FLNB: variants seen among roughly 807,000 people sequenced by gnomAD.
FLNB encodes filamin B, also known as filamin-B.
A neutral mutation model predicts 250.6 loss-of-function variants in FLNB; 111 were observed. The ratio of observed to expected loss-of-function variants is 0.44; its 90% CI spans 0.38 to 0.52. FLNB has a LOEUF of 0.52. Among genes scored for constraint, FLNB ranks in the 20% least tolerant of loss-of-function variants. The pLI, the probability that FLNB is intolerant of heterozygous loss-of-function variation, is 0.00. For synonymous variants in FLNB, 1,302 were observed against 1,372.1 expected, an observed-to-expected ratio of 0.95 and a Z score of 1.13; for missense variants, 2,869 against 3,447.8, an observed-to-expected ratio of 0.83 and a Z score of 4.20.
At chr3:58,067,016 G>C (rs2097186545) in intron 1 of FLNB, among the ~76,000 whole-genome samples, 1 of 152,178 alleles carries the variant, frequency 6.6e-6, no homozygotes, top group Non-Finnish European at 1.5e-5. Context: ...AATGTGTTAT[G>C]GGCCTATAGT....
intron 24 of FLNB, among the ~76,000 whole-genome samples, chr3:58,129,467 C>T (rs1403595041): frequency 6.6e-6 from 1 of 152,202 alleles, no homozygotes; most frequent in Non-Finnish European, 1.5e-5. Flanking sequence ...AGTCCCTTGC[C>T]ATCAGCTGTT....
intron 1 of FLNB, among the ~76,000 whole-genome samples, chr3:58,032,137 G>A (rs932791109): frequency 2.0e-5 from 3 of 151,842 alleles, no homozygotes; most frequent in Non-Finnish European, 4.4e-5. Context: ...TAGAGACAGG[G>A]TTGCCCAGGC....
intron 4 of FLNB, among the ~76,000 whole-genome samples, chr3:58,084,684 A>G (rs1241133157): frequency 6.6e-6 from 1 of 152,118 alleles, no homozygotes; most frequent in African/African-American, 2.4e-5. Flanking sequence ...TTGTTGTGCA[A>G]CCGCCACTGC....
At chr3:58,103,830 G>A (rs772526297) in intron 9 of FLNB, 129 bp from the exon 10 acceptor site, 7 of 1,078,854 alleles carry the variant, frequency 6.5e-6, no homozygotes, top group African/African-American at 1.6e-5. Context: ...CATACTCTGG[G>A]GCAGCCCACT....
At chr3:58,038,882 G>A (rs1407746427) in intron 1 of FLNB, among the ~76,000 whole-genome samples, 1 of 152,070 alleles carries the variant, frequency 6.6e-6, no homozygotes, top group African/African-American at 2.4e-5. Context: ...AGATGATGTT[G>A]AACAATGTGG....
chr3:58,025,798 T>G (rs1461642323), intron 1 of FLNB, among the ~76,000 whole-genome samples: 4 of 152,204 alleles, frequency 2.6e-5, no homozygotes, highest in Non-Finnish European at 4.4e-5. Flanking sequence ...TGGTAGTGTG[T>G]GCCTTTAATT....
rs200285985 is a variant in FLNB, at chr3:58,078,862, C to T, written c.639+48C>T. The T allele has an allele frequency of 3.1e-5, 45 of 1,449,926 alleles. No individual in the cohort carries two copies. The African/African-American group carries it at 5.6e-4, about 18-fold the overall frequency. The allele number at this position is 1,449,926 out of a possible 1,614,324, so 89.8% of individuals were successfully genotyped here. A position where few individuals can be genotyped will look rare whatever the true frequency, so the allele number is the denominator to read the frequency against. On this transcript the variant is annotated intron_variant, in intron 3 of 45. Transcript: ENST00000295956. ...CTGTGAGGCTGCCCCCACCCACTAG[C>T]TTGTTCTGTGGATGCCTTCCCGGGT...
chr3:58,091,231 A>G (rs2097226716), intron 4 of FLNB, among the ~76,000 whole-genome samples: 1 of 152,252 alleles, frequency 6.6e-6, no homozygotes, highest in African/African-American at 2.4e-5. Context: ...AAGGAATTAA[A>G]GTAGCAAAAA....
Position 58,106,683 on chromosome 3 carries a change from T to A in FLNB, c.1751T>A (p.Phe584Tyr). The A allele has an allele frequency of 6.2e-7, 1 of 1,614,124 alleles. No individual in the cohort carries two copies. Among genetic ancestry groups the A allele is most frequent in the South Asian group, 1.1e-5 (1 of 91,084 alleles). ...CCCTTCCACCTCCACCCCCTAGGGT[T>A]TGCCATTGAAGGCCCCTCTCAGGCA... ...SIGSEVGSLG[F>Y]AIEGPSQAKI... Residue 584 changes from phenylalanine to tyrosine, a missense_variant, in exon 12 of 46, where the codon TTT becomes TAT. Physicochemically the swap from Phe to Tyr is conservative, Grantham distance 22. Transcript: ENST00000295956.
chr3:58,009,570 G>A (rs959028470), intron 1 of FLNB, among the ~76,000 whole-genome samples: 4 of 152,122 alleles, frequency 2.6e-5, no homozygotes, highest in African/African-American at 7.2e-5. Flanking sequence ...CTTGTAGGGA[G>A]CCCAACTAGC....
At chr3:58,035,785 G>A (rs915325971) in intron 1 of FLNB, among the ~76,000 whole-genome samples, 1 of 152,166 alleles carries the variant, frequency 6.6e-6, no homozygotes, top group South Asian at 2.1e-4. Flanking sequence ...TCTTGATCAC[G>A]GCCTTAGCTA....
Position 58,108,413 on chromosome 3 carries a change from T to TG in FLNB, c.1942-41dup, listed in dbSNP as rs1364833527. 6 of 1,249,280 alleles carry TG rather than the reference T, an allele frequency of 4.8e-6. No individual in the cohort carries two copies. In the African/African-American group the frequency reaches 7.4e-5, roughly 15 times the overall value. The allele number at this position is 1,249,280 out of a possible 1,614,324, so 77.4% of individuals were successfully genotyped here. A position where few individuals can be genotyped will look rare whatever the true frequency, so the allele number is the denominator to read the frequency against. ...ACCTGTCTTTGTATAAGGGTTTAGT[T>TG]GGGGCATTACACAGAAAGAGACTTA... On this transcript the variant is annotated intron_variant, in intron 12 of 45. Coordinates refer to ENST00000295956, the MANE Select transcript of FLNB (RefSeq NM_001457.4).
chr3:58,055,319 T>C (rs541718391), intron 1 of FLNB, among the ~76,000 whole-genome samples: 6 of 152,074 alleles, frequency 3.9e-5, no homozygotes, highest in Non-Finnish European at 8.8e-5. Flanking sequence ...GCTGACCTCT[T>C]CTGTAGATGG....
chr3:58,068,719 G>C (rs1389543069), intron 1 of FLNB, among the ~76,000 whole-genome samples: 1 of 152,210 alleles, frequency 6.6e-6, no homozygotes, highest in Non-Finnish European at 1.5e-5. Context: ...TCTGGATGCA[G>C]GAGATCTGAG....
chr3:58,102,474 G>A, intron 9 of FLNB, 134 bp downstream of exon 9: 1 of 1,029,878 alleles, frequency 9.7e-7, no homozygotes, highest in Non-Finnish European at 1.5e-6. Flanking sequence ...AGGCTATCTG[G>A]GCTCCTTGGG....
At chr3:58,130,679 G>A in intron 24 of FLNB, 62 bp from the exon 25 acceptor site, 1 of 1,551,722 alleles carries the variant, frequency 6.4e-7, no homozygotes, top group African/African-American at 1.4e-5. Flanking sequence ...GCTATTCTGG[G>A]TGTGCACAAG....
intron 16 of FLNB, among the ~76,000 whole-genome samples, 193 bp downstream of exon 16, chr3:58,110,363 A>G (rs1352459848): frequency 6.6e-6 from 1 of 152,148 alleles, no homozygotes; most frequent in East Asian, 1.9e-4. Flanking sequence ...CCCAGGTTCA[A>G]GTGATCCTCC....
intron 5 of FLNB, 42 bp from the exon 6 acceptor site, chr3:58,096,099 C>T (rs1231302851): frequency 6.7e-7 from 1 of 1,500,808 alleles, no homozygotes; most frequent in Admixed American, 1.7e-5. Context: ...TCCTTACTCA[C>T]ACCCGGCACC....
intron 39 of FLNB, chr3:58,154,468 A>G: frequency 3.3e-6 from 1 of 299,940 alleles, no homozygotes; most frequent in South Asian, 3.3e-5. Flanking sequence ...TTGCTTGAAC[A>G]CAGGAGATGG....
Sources: gnomAD v4.1 joint callset for allele counts (sites outside exome capture counted in the v4.1 genomes callset) on GRCh38, gnomAD v4.1.1 for gene constraint, MANE v1.5 for transcripts, NCBI Gene and HGNC (gene_info 2026-07-23, HGNC 2026-07-21) for gene names.